Variants in HPCAL1 observed in about 807,000 individuals in gnomAD.
HPCAL1 encodes hippocalcin like 1.
A neutral mutation model predicts 17.1 loss-of-function variants in HPCAL1; 8 were observed. The observed-to-expected ratio is 0.47, with a 90% confidence interval of 0.27 to 0.84. The LOEUF (loss-of-function observed/expected upper bound fraction) is 0.84, where lower values mean the gene tolerates loss of function less well. Among genes scored for constraint, HPCAL1 ranks in the 40% least tolerant of loss-of-function variants. HPCAL1 has a pLI of 0.13. For missense variants in HPCAL1, 165 were observed against 271.1 expected, an observed-to-expected ratio of 0.61 and a Z score of 2.75; for synonymous variants, 112 against 111.4, an observed-to-expected ratio of 1.01 and a Z score of -0.03.
intron 1 of HPCAL1, among the ~76,000 whole-genome samples, chr2:10,352,082 T>A (rs1275816624): frequency 2.6e-5 from 4 of 152,058 alleles, no homozygotes. Context: ...TTTGTATTTT[T>A]AGTAGAGAAG....
At chr2:10,379,898 G>T (rs1035703484) in intron 1 of HPCAL1, among the ~76,000 whole-genome samples, 28 of 152,154 alleles carry the variant, frequency 1.8e-4, no homozygotes, top group African/African-American at 6.8e-4. Context: ...TGTCCATGCT[G>T]GCTATACTGC....
intron 1 of HPCAL1, among the ~76,000 whole-genome samples, chr2:10,396,193 C>T (rs113715742): frequency 5.3e-4 from 81 of 152,352 alleles, no homozygotes; most frequent in Non-Finnish European, 4.1e-4. Context: ...GGTGATGCGT[C>T]CTGACCTCTT....
chr2:10,329,822 A>C (rs895096165), intron 1 of HPCAL1, among the ~76,000 whole-genome samples: 1 of 152,250 alleles, frequency 6.6e-6, no homozygotes, highest in African/African-American at 2.4e-5. Flanking sequence ...ATGGTTCTAC[A>C]AAGTGCTTTG....
In HPCAL1 at chr2:10,410,370, A is replaced by G. The variant is rs568399447; in HGVS notation, c.-24-9364A>G. Among the ~76,000 whole-genome samples, 8 of 137,290 alleles carry G rather than the reference A, an allele frequency of 5.8e-5. No homozygotes were observed. In the East Asian group the frequency reaches 1.1e-3, roughly 18 times the overall value. The allele number at this position is 137,290 out of a possible 152,430, so 90.1% of individuals were successfully genotyped here. On this transcript the variant is annotated intron_variant, in intron 2 of 4. Transcript: ENST00000307845. ...AGGCAATACCGACTCTGGGTTAACT[A>G]TTTCTCACAGGGCTCCCCAGCTGCA... is the stretch of plus-strand genomic sequence containing the variant.
At chr2:10,364,216 G>A (rs1211702394) in intron 1 of HPCAL1, among the ~76,000 whole-genome samples, 1 of 152,232 alleles carries the variant, frequency 6.6e-6, no homozygotes, top group Non-Finnish European at 1.5e-5. Flanking sequence ...GTCTGCCTGG[G>A]GTCGAGTGTG....
At chr2:10,410,706 C>A (rs1249972364) in intron 2 of HPCAL1, among the ~76,000 whole-genome samples, 1 of 152,050 alleles carries the variant, frequency 6.6e-6, no homozygotes, top group Non-Finnish European at 1.5e-5. Flanking sequence ...TTTCTTACCC[C>A]ACCATCCTCC....
intron 4 of HPCAL1, 157 bp downstream of exon 4, chr2:10,423,245 G>A: frequency 1.5e-6 from 1 of 648,006 alleles, no homozygotes; most frequent in Non-Finnish European, 2.9e-6. Context: ...GGAAGAGCGG[G>A]ATGCAGTCAG....
chr2:10,406,663 C>T (rs1019782136), intron 2 of HPCAL1, among the ~76,000 whole-genome samples: 2 of 152,212 alleles, frequency 1.3e-5, no homozygotes, highest in African/African-American at 2.4e-5. Context: ...AGATTTCCAC[C>T]GGGCTCGCTC....
At chr2:10,349,322 T>C (rs889677871) in intron 1 of HPCAL1, among the ~76,000 whole-genome samples, 1 of 152,108 alleles carries the variant, frequency 6.6e-6, no homozygotes, top group African/African-American at 2.4e-5. Flanking sequence ...ACTCTTCTAT[T>C]TGAGTGCTTG....
rs375982118 is a variant in HPCAL1 at position 10,331,621 on chromosome 2, C to T, written c.-111+28444C>T. On this transcript the variant is annotated intron_variant, in intron 1 of 4. Coordinates refer to ENST00000307845, the MANE Select transcript of HPCAL1 (RefSeq NM_002149.4). The surrounding 1 kb of genome is among the most constrained non-coding windows in gnomAD (Gnocchi z 5.0). ...GCTTTGGGCCCAGCTGCACTGTGCC[C>T]GGGGTCCAGGGATGGGTGTGAGGCT... 5.3e-5 allele frequency among the ~76,000 whole-genome samples: 8 copies of T among 152,194 alleles called. No homozygotes were observed. The highest frequency in any genetic ancestry group is 4.4e-5 in the Non-Finnish European group (3 of 68,040).
At chr2:10,397,816 C>A (rs540172514) in intron 2 of HPCAL1, among the ~76,000 whole-genome samples, 1 of 152,158 alleles carries the variant, frequency 6.6e-6, no homozygotes, top group African/African-American at 2.4e-5. Flanking sequence ...GCCCTTCCAG[C>A]GTTGAGGGTT....
At chr2:10,317,908 C>T (rs1663421689) in intron 1 of HPCAL1, among the ~76,000 whole-genome samples, 1 of 152,232 alleles carries the variant, frequency 6.6e-6, no homozygotes, top group Non-Finnish European at 1.5e-5. Flanking sequence ...CACAGCTAAA[C>T]CTCGGGGCCT....
chr2:10,315,451 A>G (rs545410545), intron 1 of HPCAL1, among the ~76,000 whole-genome samples: 21 of 152,274 alleles, frequency 1.4e-4, no homozygotes, highest in Admixed American at 1.3e-3. Context: ...GTTTTGCCAC[A>G]TTCTAAATTT....
intron 1 of HPCAL1, among the ~76,000 whole-genome samples, chr2:10,341,724 G>A (rs1418869081): frequency 2.0e-5 from 3 of 152,198 alleles, no homozygotes; most frequent in Non-Finnish European, 1.5e-5. Context: ...GAAGGGGGCA[G>A]GAGAGTGGGC....
At chr2:10,321,802 A>G (rs1354608588) in intron 1 of HPCAL1, among the ~76,000 whole-genome samples, 1 of 152,226 alleles carries the variant, frequency 6.6e-6, no homozygotes, top group Admixed American at 6.5e-5. Context: ...TCTGTACTGC[A>G]TGCCTGTAGA....
Position 10,314,032 on chromosome 2 carries a change from G to A in HPCAL1, c.-111+10855G>A, listed in dbSNP as rs537703216. The stretch of plus-strand genomic sequence containing the variant: ...TGTAATCCCAGCTACTCGGGAGGCT[G>A]AGGCAGGAGAATTGCTTCAACCCAG... On this transcript the variant is annotated intron_variant, in intron 1 of 4. Transcript: ENST00000307845. 7.9e-5 allele frequency among the ~76,000 whole-genome samples: 12 copies of A among 152,062 alleles called. No individual in the cohort carries two copies. In the South Asian group the frequency reaches 1.7e-3, roughly 21 times the overall value.
At chr2:10,406,670 G>GC (rs1294850529) in intron 2 of HPCAL1, among the ~76,000 whole-genome samples, 1 of 152,244 alleles carries the variant, frequency 6.6e-6, no homozygotes, top group Non-Finnish European at 1.5e-5. Flanking sequence ...CACCGGGCTC[G>GC]CTCTAGCCTG....
At chr2:10,353,127 G>A (rs1665929441) in intron 1 of HPCAL1, among the ~76,000 whole-genome samples, 1 of 152,152 alleles carries the variant, frequency 6.6e-6, no homozygotes, top group Non-Finnish European at 1.5e-5. Flanking sequence ...CTGTCAATTT[G>A]CCAGGAGACT....
intron 4 of HPCAL1, chr2:10,423,317 C>T (rs1285918047): frequency 1.8e-6 from 1 of 545,018 alleles, no homozygotes. Context: ...ATGTTGTGGC[C>T]TCTCTGAGCC....
Sources: allele counts gnomAD v4.1 joint callset (sites outside exome capture counted in the v4.1 genomes callset), GRCh38; gene constraint gnomAD v4.1.1; non-coding constraint Gnocchi (gnomAD v3.1); transcripts MANE v1.5; gene names NCBI Gene and HGNC (gene_info 2026-07-23, HGNC 2026-07-21).